The following CNTNAP2 variants were observed in gnomAD, a reference collection of about 807,000 sequenced individuals.
CNTNAP2 encodes contactin associated protein 2.
In CNTNAP2, 98 loss-of-function variants were observed where a neutral mutation model predicts 155.2. The ratio of observed to expected loss-of-function variants is 0.63; its 90% CI spans 0.54 to 0.75. The LOEUF (loss-of-function observed/expected upper bound fraction) is 0.75, where lower values mean the gene tolerates loss of function less well. Among genes scored for constraint, CNTNAP2 ranks in the 30% least tolerant of loss-of-function variants. CNTNAP2 has a pLI of 0.00. For synonymous variants in CNTNAP2, 651 were observed against 631.2 expected (o/e 1.03, Z -0.47); for missense variants, 1,727 against 1,688.1 (o/e 1.02, Z -0.40).
intron 1 of CNTNAP2, among the ~76,000 whole-genome samples, chr7:146,735,197 T>C (rs2129180085): frequency 6.6e-6 from 1 of 152,266 alleles, no homozygotes; most frequent in South Asian, 2.1e-4. Flanking sequence ...AAATATAAAT[T>C]CCTGAAAATG....
intron 8 of CNTNAP2, chr7:147,167,422 C>A (rs1802136681): frequency 1.5e-6 from 2 of 1,340,614 alleles, no homozygotes; most frequent in Non-Finnish European, 1.0e-6. Flanking sequence ...CTCTGGCTTG[C>A]TAGGAAGCTC....
At chr7:147,657,025 A>T (rs1381062399) in intron 13 of CNTNAP2, among the ~76,000 whole-genome samples, 1 of 152,230 alleles carries the variant, frequency 6.6e-6, no homozygotes, top group Non-Finnish European at 1.5e-5. Flanking sequence ...GGTTTCAAAA[A>T]GAAACTACTC....
chr7:148,247,157 T>C (rs2116808600), intron 20 of CNTNAP2, among the ~76,000 whole-genome samples: 1 of 152,350 alleles, frequency 6.6e-6, no homozygotes, highest in East Asian at 1.9e-4. Flanking sequence ...AATTTTAGAA[T>C]CAGATTGGTC....
intron 20 of CNTNAP2, among the ~76,000 whole-genome samples, chr7:148,251,762 G>T (rs1253952618): frequency 6.6e-6 from 1 of 152,166 alleles, no homozygotes; most frequent in African/African-American, 2.4e-5. Context: ...TCAATTCTAA[G>T]CAGCAGCCTC....
At chr7:146,392,009 C>A (rs1282830469) in intron 1 of CNTNAP2, among the ~76,000 whole-genome samples, 1 of 152,108 alleles carries the variant, frequency 6.6e-6, no homozygotes, top group Non-Finnish European at 1.5e-5. Context: ...AAAAGAAATT[C>A]ATACCAATTT....
chr7:146,731,957 C>G (rs1422531677), intron 1 of CNTNAP2, among the ~76,000 whole-genome samples: 2 of 151,704 alleles, frequency 1.3e-5, no homozygotes. Context: ...ATAAAAGCAT[C>G]CAAAATGATA....
intron 15 of CNTNAP2, among the ~76,000 whole-genome samples, chr7:148,092,274 C>G (rs1396934859): frequency 6.6e-6 from 1 of 152,122 alleles, no homozygotes; most frequent in East Asian, 1.9e-4. Context: ...GGGGAAAGTC[C>G]TTGTTTTCTA....
intron 1 of CNTNAP2, among the ~76,000 whole-genome samples, chr7:146,509,890 G>C (rs1046397706): frequency 6.6e-6 from 1 of 152,078 alleles, no homozygotes; most frequent in Non-Finnish European, 1.5e-5. Context: ...ATGCACACAG[G>C]GGACCTGTCC....
chr7:147,826,402 T>C (rs1264640272), intron 13 of CNTNAP2, among the ~76,000 whole-genome samples: 1 of 152,230 alleles, frequency 6.6e-6, no homozygotes, highest in Non-Finnish European at 1.5e-5. Flanking sequence ...CAGAATTCTA[T>C]GTCCTATTTG....
At chr7:146,639,087 A>C (rs1009924971) in intron 1 of CNTNAP2, among the ~76,000 whole-genome samples, 6 of 152,238 alleles carry the variant, frequency 3.9e-5, no homozygotes, top group African/African-American at 1.4e-4. Flanking sequence ...TATGTGAAGC[A>C]TAGTTGACTG....
intron 1 of CNTNAP2, among the ~76,000 whole-genome samples, chr7:146,487,400 G>A (rs1240101417): frequency 6.6e-6 from 1 of 152,174 alleles, no homozygotes; most frequent in Non-Finnish European, 1.5e-5. Flanking sequence ...GCAAACATAT[G>A]TCTCGTAGTT....
At chr7:147,164,639 A>G (rs1330055897) in intron 8 of CNTNAP2, among the ~76,000 whole-genome samples, 1 of 152,126 alleles carries the variant, frequency 6.6e-6, no homozygotes, top group Non-Finnish European at 1.5e-5. Flanking sequence ...CTTAGGTAAC[A>G]CTCTTCATTT....
intron 1 of CNTNAP2, among the ~76,000 whole-genome samples, chr7:146,695,682 C>T (rs533240687): frequency 6.6e-5 from 10 of 152,220 alleles, no homozygotes; most frequent in African/African-American, 2.4e-4. Flanking sequence ...CTGCCTCAGC[C>T]TCCCAAAGTG....
At chr7:147,355,659 C>A (rs1363517902) in intron 9 of CNTNAP2, among the ~76,000 whole-genome samples, 2 of 151,984 alleles carry the variant, frequency 1.3e-5, no homozygotes, top group Admixed American at 1.3e-4. Flanking sequence ...ACTGTAAACA[C>A]CTCTATGCAA....
At chr7:146,893,909 G>A (rs138566340) in intron 3 of CNTNAP2, among the ~76,000 whole-genome samples, 5 of 152,216 alleles carry the variant, frequency 3.3e-5, no homozygotes, top group Non-Finnish European at 7.3e-5. Context: ...TCTTGTGGAA[G>A]ATGGGTACAA....
chr7:148,215,513 C>CTT (rs11351735), intron 18 of CNTNAP2, among the ~76,000 whole-genome samples: 74 of 143,628 alleles, frequency 5.2e-4, no homozygotes, highest in African/African-American at 7.4e-4. Flanking sequence ...TCAGGGCTTT[C>CTT]TTTTTTTTTT....
At chr7:146,887,156 G>C (rs1024078943) in intron 3 of CNTNAP2, among the ~76,000 whole-genome samples, 2 of 151,174 alleles carry the variant, frequency 1.3e-5, no homozygotes, top group Non-Finnish European at 2.9e-5. Flanking sequence ...TTGTTTGTTT[G>C]TTTGTTTGCG....
intron 21 of CNTNAP2, among the ~76,000 whole-genome samples, chr7:148,283,304 A>AAAGAAAGAAAGGAAGG (rs1278484699): frequency 2.5e-4 from 22 of 89,420 alleles, no homozygotes; most frequent in African/African-American, 1.2e-3. Flanking sequence ...AGAAAGAAAG[A>AAAGAAAGAAAGGAAGG]AAGGAAGGAA....
chr7:148,085,694 C>CCCTTCCTTCCTTCCTT (rs370800555), intron 15 of CNTNAP2, among the ~76,000 whole-genome samples: 70 of 150,998 alleles, frequency 4.6e-4, no homozygotes, highest in East Asian at 2.3e-3. Context: ...TTTTCTCTTT[C>CCCTTCCTTCCTTCCTT]CCTTCCTTCC....
Sources: gnomAD v4.1 joint callset for allele counts (sites outside exome capture counted in the v4.1 genomes callset) on GRCh38, gnomAD v4.1.1 for gene constraint, MANE v1.5 for transcripts, NCBI Gene and HGNC (gene_info 2026-07-23, HGNC 2026-07-21) for gene names.